The following FUNDC1 variants were observed in gnomAD, a reference collection of about 807,000 sequenced individuals.
FUNDC1 encodes the protein FUN14 domain containing 1.
In FUNDC1, 10 loss-of-function variants were observed where a neutral mutation model predicts 14.5. That is an observed-to-expected ratio of 0.69 (90% CI 0.43 to 1.17). The LOEUF is 1.17. Ranked by LOEUF, FUNDC1 falls within the 50% of genes most tolerant of loss-of-function variation. The probability of loss-of-function intolerance (pLI) is 0.00; values close to 1 mark genes in which losing one functional copy is unlikely to be tolerated. For missense variants in FUNDC1, 115 were observed against 113.8 expected, an observed-to-expected ratio of 1.01 and a Z score of -0.05; for synonymous variants, 33 against 39.7, an observed-to-expected ratio of 0.83 and a Z score of 0.64.
intron 4 of FUNDC1, among the ~76,000 whole-genome samples, chrX:44,526,778 G>A (rs2038904044): frequency 9.1e-6 from 1 of 110,111 alleles, no homozygotes; most frequent in Admixed American, 9.8e-5. Flanking sequence ...AAAAACAAAG[G>A]CAAGGAAGTA....
chrX:44,535,947 T>C (rs753822949), intron 3 of FUNDC1, among the ~76,000 whole-genome samples: 268 of 101,444 alleles, frequency 2.6e-3, no homozygotes, highest in African/African-American at 9.1e-3. Flanking sequence ...GATTGTGCCA[T>C]TGCACTCCAA....
chrX:44,529,329 A>G (rs1303626201), intron 3 of FUNDC1, among the ~76,000 whole-genome samples: 1 of 111,920 alleles, frequency 8.9e-6, no homozygotes, highest in Non-Finnish European at 1.9e-5. Flanking sequence ...GTTATCTGAG[A>G]TAAAGATTTT....
intron 3 of FUNDC1, among the ~76,000 whole-genome samples, chrX:44,537,726 T>C (rs2038954347): frequency 8.9e-6 from 1 of 111,818 alleles, no homozygotes; most frequent in African/African-American, 3.2e-5. Flanking sequence ...CTAGTACAAG[T>C]GACAGTTCTC....
At chrX:44,530,427 G>T (rs749857850) in intron 3 of FUNDC1, among the ~76,000 whole-genome samples, 1 of 110,410 alleles carries the variant, frequency 9.1e-6, no homozygotes, top group Admixed American at 9.8e-5. Flanking sequence ...CCAACATGGT[G>T]AAACCCTATC....
chrX:44,527,196 A>G (rs1430548423), intron 4 of FUNDC1, 41 bp downstream of exon 4: 5 of 1,036,621 alleles, frequency 4.8e-6, no homozygotes, highest in African/African-American at 1.9e-5. Context: ...AACCAAAAAA[A>G]GGAAAAAAAA....
chrX:44,527,535 A>G (rs2038907284), intron 3 of FUNDC1, among the ~76,000 whole-genome samples, 170 bp from the exon 4 acceptor site: 1 of 111,772 alleles, frequency 8.9e-6, no homozygotes, highest in African/African-American at 3.2e-5. Context: ...TGCCTACCCT[A>G]TGCTAAGTAC....
At chrX:44,528,882 A>C (rs1229843454) in intron 3 of FUNDC1, among the ~76,000 whole-genome samples, 2 of 110,154 alleles carry the variant, frequency 1.8e-5, no homozygotes, top group Non-Finnish European at 3.8e-5. Flanking sequence ...TTTTTAGTAG[A>C]GAAGGGGTTT....
intron 2 of FUNDC1, among the ~76,000 whole-genome samples, chrX:44,539,979 T>C (rs759800518): frequency 9.0e-6 from 1 of 111,256 alleles, no homozygotes; most frequent in African/African-American, 3.3e-5. Context: ...CACAGTTCTA[T>C]ATATTTTATC....
intron 2 of FUNDC1, among the ~76,000 whole-genome samples, chrX:44,540,224 T>G (rs1405251423): frequency 3.6e-5 from 4 of 111,644 alleles, no homozygotes; most frequent in African/African-American, 1.3e-4. Flanking sequence ...ATTGCTAACT[T>G]GTTAGGTTAG....
chrX:44,538,315 T>A, intron 3 of FUNDC1, 152 bp downstream of exon 3: 1 of 454,953 alleles, frequency 2.2e-6, no homozygotes, highest in Non-Finnish European at 3.8e-6. Context: ...GGGATCAAAC[T>A]ATGCTTAATA....
At chrX:44,530,348 G>C (rs1411084170) in intron 3 of FUNDC1, among the ~76,000 whole-genome samples, 1 of 112,203 alleles carries the variant, frequency 8.9e-6, no homozygotes, top group South Asian at 3.7e-4. Context: ...GCTCACGCCT[G>C]TAATGTTAGC....
rs2038977274 is a variant in FUNDC1, at chrX:44,542,679, G to A, written c.28+126C>T. 1.0e-5 allele frequency: 7 copies of A among 668,166 alleles called. No homozygotes were observed. In the South Asian group the frequency reaches 1.8e-4, roughly 17 times the overall value. 55.1% of individuals were successfully genotyped at this position (668,166 alleles called of 1,213,427 possible). A position where few individuals can be genotyped will look rare whatever the true frequency, so the allele number is the denominator to read the frequency against. On this transcript the variant is annotated intron_variant, in intron 1 of 4. Transcript: ENST00000378045. ...TCTAGCTCGGAGGGGGTGCTCGAAGGGGCTGCCTTAAAAAAAAAATGGAGC... is the reference window on the plus strand; with the variant it reads ...TCTAGCTCGGAGGGGGTGCTCGAAGAGGCTGCCTTAAAAAAAAAATGGAGC...
chrX:44,539,633 A>T (rs1189145112), intron 2 of FUNDC1, among the ~76,000 whole-genome samples: 1 of 111,677 alleles, frequency 9.0e-6, no homozygotes, highest in Non-Finnish European at 1.9e-5. Flanking sequence ...TAGCCTCCAG[A>T]ACTGTGAGAG....
At chrX:44,526,168 C>A (rs756166000) in intron 4 of FUNDC1, among the ~76,000 whole-genome samples, 1 of 110,787 alleles carries the variant, frequency 9.0e-6, no homozygotes, top group Admixed American at 9.6e-5. Flanking sequence ...TGGTGGCTCA[C>A]GCCCCTAATC....
chrX:44,537,807 T>A (rs2038954606), intron 3 of FUNDC1, among the ~76,000 whole-genome samples: 1 of 112,388 alleles, frequency 8.9e-6, no homozygotes, highest in Admixed American at 9.5e-5. Flanking sequence ...ATATTTGATC[T>A]TCAAGGAATG....
intron 2 of FUNDC1, among the ~76,000 whole-genome samples, chrX:44,540,578 T>C (rs957952628): frequency 8.9e-6 from 1 of 111,925 alleles, no homozygotes; most frequent in Non-Finnish European, 1.9e-5. Flanking sequence ...GTCACTAAAA[T>C]GAACCTATCT....
At chrX:44,526,958 G>A (rs2038904664) in intron 4 of FUNDC1, among the ~76,000 whole-genome samples, 2 of 109,342 alleles carry the variant, frequency 1.8e-5, no homozygotes, top group Admixed American at 9.9e-5. Flanking sequence ...TAAAGGCAGA[G>A]GAAATATGTT....
rs1255755012 is a variant in FUNDC1, at chrX:44,527,377, A to G, written c.262-12T>C. 7 of 1,152,634 alleles carry G rather than the reference A, an allele frequency of 6.1e-6. No homozygotes were observed. The South Asian group carries it at 1.2e-4, about 20-fold the overall frequency. The allele number at this position is 1,152,634 out of a possible 1,213,427, so 95.0% of individuals were successfully genotyped here. ...CTATGACTAGCAATCTGCAAAAAAT[A>G]TAATAAAAATTATCAATACTATACC... On this transcript the variant is annotated splice_polypyrimidine_tract_variant and intron_variant, in intron 3 of 4. Transcript: ENST00000378045.
chrX:44,526,489 G>GC (rs367803460), intron 4 of FUNDC1, among the ~76,000 whole-genome samples: 2,445 of 78,794 alleles, frequency 0.031, 88 homozygotes, highest in African/African-American at 0.091. Context: ...AATAAAAAAG[G>GC]GGGGGGGGCG....
Sources: allele counts gnomAD v4.1 joint callset (sites outside exome capture counted in the v4.1 genomes callset), GRCh38; gene constraint gnomAD v4.1.1; transcripts MANE v1.5; gene names NCBI Gene and HGNC (gene_info 2026-07-23, HGNC 2026-07-21).